NR1H4: variants seen among roughly 807,000 people sequenced by gnomAD.
NR1H4 encodes the protein bile acid receptor.
A neutral mutation model predicts 58.5 loss-of-function variants in NR1H4; 23 were observed. The ratio of observed to expected loss-of-function variants is 0.39; its 90% CI spans 0.28 to 0.56. NR1H4 has a LOEUF of 0.56. Ranked by LOEUF, NR1H4 falls within the 20% of genes least tolerant of loss-of-function variation. The pLI is 0.58. For missense variants in NR1H4, 487 were observed against 576.9 expected (o/e 0.84, Z 1.60); for synonymous variants, 214 against 198.0 (o/e 1.08, Z -0.68).
intron 3 of NR1H4, among the ~76,000 whole-genome samples, chr12:100,502,838 A>C (rs190841785): frequency 5.4e-4 from 83 of 152,302 alleles, no homozygotes; most frequent in Non-Finnish European, 7.8e-4. Context: ...GCCAAGCAAA[A>C]GGGGAAACCC....
intron 4 of NR1H4, among the ~76,000 whole-genome samples, chr12:100,516,593 C>A (rs1005778337): frequency 2.0e-5 from 3 of 152,150 alleles, no homozygotes; most frequent in Non-Finnish European, 4.4e-5. Flanking sequence ...ATCTCCATCT[C>A]CTGACCTCGT....
chr12:100,557,383 G>A (rs1955354299), intron 9 of NR1H4, among the ~76,000 whole-genome samples: 1 of 152,194 alleles, frequency 6.6e-6, no homozygotes, highest in Non-Finnish European at 1.5e-5. Flanking sequence ...AGCCATTCAT[G>A]AGGGGTCTAC....
In NR1H4 at chr12:100,536,955, A is replaced by T; in HGVS notation, c.839A>T (p.Glu280Val). The T allele has an allele frequency of 6.4e-7, 1 of 1,562,242 alleles. No homozygotes were observed. Among genetic ancestry groups the T allele is most frequent in the Non-Finnish European group, 8.7e-7 (1 of 1,146,430 alleles). ...PQEITNKILK[E>V]EFSAEENFLI... ...TTTTTTCTTAAAATTTAGTTAAAAG[A>T]AGAATTCAGTGCAGAAGAAAATTTT... The change falls in exon 8 of 11, where the codon GAA becomes GTA. Residue 280 changes from glutamate (E) to valine (V), a missense_variant. Glu to Val is a moderately radical substitution (Grantham distance 121). Transcript: ENST00000392986.
chr12:100,495,548 TGGTTA>T (rs1263699149), intron 3 of NR1H4, among the ~76,000 whole-genome samples: 1 of 139,348 alleles, frequency 7.2e-6, no homozygotes, highest in East Asian at 2.9e-4. Flanking sequence ...CTGGCCAACA[TGGTTA>T]AACCCTGTCT....
In NR1H4 at chr12:100,563,549, ACTTTC is replaced by A; in HGVS notation, c.*65_*69del. On this transcript the variant is annotated 3_prime_UTR_variant, in exon 11 of 11. Transcript: ENST00000392986. ...CTCTCTCATATTAATCTGATGTATA[ACTTTC>A]CTTTATTTCACTTGTACCCAGTTTC... The A allele has an allele frequency of 7.7e-7, 1 of 1,302,740 alleles. No homozygotes were observed. The highest frequency in any genetic ancestry group is 1.1e-6 in the Non-Finnish European group (1 of 896,894). 80.7% of individuals were successfully genotyped at this position (1,302,740 alleles called of 1,614,324 possible).
At chr12:100,495,740 CA>C (rs201311922) in intron 3 of NR1H4, among the ~76,000 whole-genome samples, 11 of 146,624 alleles carry the variant, frequency 7.5e-5, no homozygotes, top group South Asian at 2.2e-4. Flanking sequence ...GAAAAACAAA[CA>C]AAAAAAAAAC....
At chr12:100,480,534 C>A (rs919322526) in intron 1 of NR1H4, among the ~76,000 whole-genome samples, 1 of 152,194 alleles carries the variant, frequency 6.6e-6, no homozygotes, top group Non-Finnish European at 1.5e-5. Flanking sequence ...CATCTTCCCA[C>A]CTCCTATGGG....
At chr12:100,534,184 C>T (rs1954762245) in intron 5 of NR1H4, among the ~76,000 whole-genome samples, 1 of 152,170 alleles carries the variant, frequency 6.6e-6, no homozygotes, top group South Asian at 2.1e-4. Context: ...TGAGCCACCG[C>T]GCCCGGCCTT....
chr12:100,502,556 G>C (rs1488408772), intron 3 of NR1H4, among the ~76,000 whole-genome samples: 2 of 152,130 alleles, frequency 1.3e-5, no homozygotes, highest in African/African-American at 2.4e-5. Flanking sequence ...ATTTTAATTT[G>C]ATTTTCTCTG....
At chr12:100,502,445 C>T (rs11110396) in intron 3 of NR1H4, among the ~76,000 whole-genome samples, 2,757 of 152,244 alleles carry the variant, frequency 0.018, 78 homozygotes, top group African/African-American at 0.061. Flanking sequence ...TGGCCATCTC[C>T]GTCTCCTCTC....
At chr12:100,553,047 A>G (rs10860604) in intron 9 of NR1H4, among the ~76,000 whole-genome samples, 80,144 of 151,728 alleles carry the variant, frequency 0.53, 21,888 homozygotes, top group East Asian at 0.91. Flanking sequence ...CACCCAGGCT[A>G]GAGTGCAGTG....
rs1565777424 is a variant in NR1H4, at chr12:100,545,662, A to AAAAAAC, written c.1078+4849_1078+4850insCAAAAA. 1.9e-3 allele frequency among the ~76,000 whole-genome samples: 271 copies of AAAAAAC among 140,758 alleles called. 24 individuals carry two copies. Among genetic ancestry groups the AAAAAAC allele is most frequent in the African/African-American group, 8.1e-3 (264 of 32,468 alleles). The allele number at this position is 140,758 out of a possible 152,430, so 92.3% of individuals were successfully genotyped here. A position where few individuals can be genotyped will look rare whatever the true frequency, so the allele number is the denominator to read the frequency against. On this transcript the variant is annotated intron_variant, in intron 9 of 10. Transcript: ENST00000392986. Reference sequence around the variant, plus strand: ...GTCTCAAAAAAAAAAAAAAAAAAAAAAAAAAAACCAAACGGGGGGCATATA... The same window carrying AAAAAAC: ...GTCTCAAAAAAAAAAAAAAAAAAAAAAAAAACAAAAAAACCAAACGGGGGGCATATA...
At chr12:100,505,707 T>C in intron 3 of NR1H4, 3 of 639,734 alleles carry the variant, frequency 4.7e-6, no homozygotes, top group Non-Finnish European at 8.4e-6. Context: ...AAATAAAGAT[T>C]CCTAAATCTA....
chr12:100,528,867 T>C (rs1194567873), intron 4 of NR1H4, among the ~76,000 whole-genome samples: 1 of 152,206 alleles, frequency 6.6e-6, no homozygotes, highest in Non-Finnish European at 1.5e-5. Flanking sequence ...CTGTTAACTA[T>C]TAAGCTGTCT....
At position 100,482,934 on chromosome 12, in the gene NR1H4, T is replaced by G. The variant is rs34637150; in HGVS notation, c.-190+8875T>G. 1.8e-3 allele frequency among the ~76,000 whole-genome samples: 278 copies of G among 152,200 alleles called. 9 individuals carry two copies. In the South Asian group the frequency reaches 0.055, roughly 30 times the overall value. The stretch of plus-strand genomic sequence containing the variant: ...GTTGATGCAGGTATTTTATTATTTA[T>G]TTATTTATTTGAGACAGAGTGTCAC... On this transcript the variant is annotated intron_variant, in intron 1 of 10. Transcript: ENST00000392986.
intron 1 of NR1H4, among the ~76,000 whole-genome samples, chr12:100,476,935 A>AT (rs1189304463): frequency 1.3e-5 from 2 of 152,070 alleles, no homozygotes; most frequent in Admixed American, 6.6e-5. Context: ...CCTCCCAGGT[A>AT]TTTTTTTATT....
intron 1 of NR1H4, among the ~76,000 whole-genome samples, chr12:100,476,452 A>T (rs1288340666): frequency 6.6e-6 from 1 of 152,136 alleles, no homozygotes; most frequent in Non-Finnish European, 1.5e-5. Flanking sequence ...TCAGCGTTTT[A>T]ATTAAAGACC....
At chr12:100,526,071 T>C (rs1403709381) in intron 4 of NR1H4, among the ~76,000 whole-genome samples, 1 of 152,066 alleles carries the variant, frequency 6.6e-6, no homozygotes, top group Non-Finnish European at 1.5e-5. Flanking sequence ...ATTTTATAGA[T>C]CTATTTTATT....
intron 4 of NR1H4, among the ~76,000 whole-genome samples, chr12:100,512,636 G>A (rs565531782): frequency 2.8e-5 from 4 of 144,298 alleles, no homozygotes; most frequent in Non-Finnish European, 5.9e-5. Flanking sequence ...GCGAGACTCC[G>A]TCTCCAAAAA....
Sources: allele counts gnomAD v4.1 joint callset (sites outside exome capture counted in the v4.1 genomes callset), GRCh38; gene constraint gnomAD v4.1.1; transcripts MANE v1.5; gene names NCBI Gene and HGNC (gene_info 2026-07-23, HGNC 2026-07-21).